The following PES1 variants were observed in gnomAD, a reference collection of about 807,000 sequenced individuals.
PES1 encodes the protein pescadillo ribosomal biogenesis factor 1, also known as pescadillo homolog.
PES1 carries 31 observed loss-of-function variants against 77.1 expected under a neutral mutation model. That is an observed-to-expected ratio of 0.40 (90% CI 0.30 to 0.54). The LOEUF (loss-of-function observed/expected upper bound fraction) is 0.54. Ranked by LOEUF, PES1 falls within the 20% of genes least tolerant of loss-of-function variation. The probability of loss-of-function intolerance (pLI) is 0.45; values close to 1 mark genes in which losing one functional copy is unlikely to be tolerated. For synonymous variants in PES1, 282 were observed against 303.0 expected, an observed-to-expected ratio of 0.93 and a Z score of 0.72; for missense variants, 658 against 771.7, an observed-to-expected ratio of 0.85 and a Z score of 1.75.
chr22:30,579,500 C>A, intron 12 of PES1, 197 bp from the exon 13 acceptor site: 1 of 860,998 alleles, frequency 1.2e-6, no homozygotes. Context: ...ACCCCCAGTC[C>A]TGAGCTCTGT....
rs530023145 is a variant in PES1 at position 30,597,892 on chromosome 22, T to G, written c.-660-5494A>C. On this transcript the variant is annotated intron_variant, in intron 2 of 16. Coordinates refer to the PES1 transcript ENST00000402281. ...CGCAGTTGAAGTTTTGTTTTTTTTT[T>G]TTTTGTTTTGAGTCGGAGTCTCACT... 2.7e-3 allele frequency among the ~76,000 whole-genome samples: 396 copies of G among 145,546 alleles called. 10 individuals are homozygous for G. The highest frequency in any genetic ancestry group is 0.024 in the Admixed American group (348 of 14,660).
intron 8 of PES1, 102 bp downstream of exon 8, chr22:30,581,231 AC>A (rs1602007984): frequency 1.4e-6 from 2 of 1,386,026 alleles, no homozygotes; most frequent in East Asian, 4.7e-5. Flanking sequence ...GAGACCACCC[AC>A]CTAGCCATAA....
At chr22:30,597,526 C>G (rs1054317798) in intron 2 of PES1, among the ~76,000 whole-genome samples, 34 of 150,598 alleles carry the variant, frequency 2.3e-4, no homozygotes, top group African/African-American at 7.9e-4. Context: ...TTATGTCTAG[C>G]TAAGGGATAG....
At chr22:30,580,862 T>A in intron 9 of PES1, 150 bp downstream of exon 9, 3 of 1,181,368 alleles carry the variant, frequency 2.5e-6, no homozygotes, top group Non-Finnish European at 3.6e-6. Flanking sequence ...GCCTCCTATG[T>A]AAACTCTGAT....
chr22:30,589,983 C>A (rs2146479212), intron 1 of PES1, among the ~76,000 whole-genome samples: 1 of 152,292 alleles, frequency 6.6e-6, no homozygotes, highest in South Asian at 2.1e-4. Context: ...GCCCCTCAAC[C>A]AATTTTGTTC....
At chr22:30,580,914 A>C (rs536975358) in intron 9 of PES1, 98 bp downstream of exon 9, 8 of 1,223,756 alleles carry the variant, frequency 6.5e-6, no homozygotes, top group African/African-American at 1.5e-5. Context: ...TTTGACCATC[A>C]AATAACACCT....
intron 8 of PES1, 78 bp from the exon 9 acceptor site, chr22:30,581,179 A>G (rs1207652446): frequency 7.2e-7 from 1 of 1,385,552 alleles, no homozygotes; most frequent in Non-Finnish European, 1.0e-6. Flanking sequence ...GGCAGCAGTG[A>G]CAGTCCTGGG....
chr22:30,578,524 C>T (rs140178281), intron 14 of PES1, among the ~76,000 whole-genome samples: 3 of 152,190 alleles, frequency 2.0e-5, no homozygotes, highest in African/African-American at 7.2e-5. Context: ...AAAGCTCCCC[C>T]CCGCCACCCC....
In PES1 at chr22:30,576,927, T is replaced by C. The variant is rs2086907906; in HGVS notation, c.*119A>G. 1.2e-6 allele frequency: 1 copy of C among 859,280 alleles called. No individual in the cohort carries two copies. The highest frequency in any genetic ancestry group is 2.0e-6 in the Non-Finnish European group (1 of 511,764). The allele number at this position is 859,280 out of a possible 1,614,324, so 53.2% of individuals were successfully genotyped here. ...GCCAGAGAGCATGAGGGGTCAGGGCTGGCTGGAGAAAGGAGGAGGAGAAGT... is the reference window on the plus strand; with the variant it reads ...GCCAGAGAGCATGAGGGGTCAGGGCCGGCTGGAGAAAGGAGGAGGAGAAGT... On this transcript the variant is annotated 3_prime_UTR_variant, in exon 15 of 15. Transcript: ENST00000354694.
chr22:30,584,840 T>C (rs1183098143), intron 4 of PES1, 123 bp from the exon 5 acceptor site: 9 of 966,032 alleles, frequency 9.3e-6, no homozygotes, highest in African/African-American at 3.3e-5. Flanking sequence ...TGCCACCTCC[T>C]GACCTGGCAG....
intron 2 of PES1, among the ~76,000 whole-genome samples, chr22:30,598,083 C>T (rs541184350): frequency 7.2e-5 from 11 of 152,128 alleles, no homozygotes; most frequent in African/African-American, 2.4e-4. Context: ...CGGGGTTTCA[C>T]CGTTTTAGCC....
At chr22:30,599,001 G>A (rs373591150) in intron 2 of PES1, among the ~76,000 whole-genome samples, 1 of 144,530 alleles carries the variant, frequency 6.9e-6, no homozygotes, top group East Asian at 2.1e-4. Flanking sequence ...GGTTCGAAGC[G>A]ATTCTCCTAT....
At chr22:30,591,736 G>T in intron 1 of PES1, 74 bp downstream of exon 1, 1 of 1,502,622 alleles carries the variant, frequency 6.7e-7, no homozygotes. Flanking sequence ...CGGAGCCCGG[G>T]AAAAGAGTCG....
intron 4 of PES1, 48 bp downstream of exon 4, chr22:30,587,238 C>G (rs374106441): frequency 7.8e-7 from 1 of 1,277,896 alleles, no homozygotes; most frequent in Non-Finnish European, 1.1e-6. Flanking sequence ...GGGCAGAGAC[C>G]AGCAGTAAAT....
chr22:30,582,288 T>G (rs1422473183), intron 6 of PES1, among the ~76,000 whole-genome samples: 1 of 152,126 alleles, frequency 6.6e-6, no homozygotes, highest in Non-Finnish European at 1.5e-5. Flanking sequence ...CAGAATTGAG[T>G]GACTCCCTCC....
intron 8 of PES1, 23 bp from the exon 9 acceptor site, chr22:30,581,124 T>C: frequency 1.3e-6 from 2 of 1,581,188 alleles, no homozygotes; most frequent in African/African-American, 1.3e-5. Flanking sequence ...AGGGGGCTGC[T>C]TGCAGTGGGG....
At chr22:30,585,378 G>A (rs1402865793) in intron 4 of PES1, 1 of 470,596 alleles carries the variant, frequency 2.1e-6, no homozygotes, top group South Asian at 1.5e-5. Context: ...GCCCTGTTGA[G>A]GGACAGAGGC....
chr22:30,585,711 G>C (rs1027128555), intron 4 of PES1, among the ~76,000 whole-genome samples: 3 of 149,968 alleles, frequency 2.0e-5, no homozygotes, highest in African/African-American at 4.9e-5. Flanking sequence ...TCAGGGGTTG[G>C]GGGGAGTGGG....
chr22:30,579,570 C>A, intron 12 of PES1, 181 bp downstream of exon 12: 1 of 696,094 alleles, frequency 1.4e-6, no homozygotes, highest in East Asian at 2.7e-5. Flanking sequence ...TCATCCTGAA[C>A]GTCAAATAAC....
Sources: allele counts gnomAD v4.1 joint callset (sites outside exome capture counted in the v4.1 genomes callset), GRCh38; gene constraint gnomAD v4.1.1; transcripts MANE v1.5; gene names NCBI Gene and HGNC (gene_info 2026-07-23, HGNC 2026-07-21).